TMEM232: variants seen among roughly 807,000 people sequenced by gnomAD.
TMEM232 encodes transmembrane protein 232.
In TMEM232, 80 loss-of-function variants were observed where a neutral mutation model predicts 78.8. The ratio of observed to expected loss-of-function variants is 1.01; its 90% CI spans 0.85 to 1.22. The LOEUF is 1.22. Among genes scored for constraint, TMEM232 ranks in the 50% most tolerant of loss-of-function variants. TMEM232 has a pLI of 0.00. For synonymous variants in TMEM232, 297 were observed against 254.3 expected, an observed-to-expected ratio of 1.17 and a Z score of -1.60; for missense variants, 881 against 742.2, an observed-to-expected ratio of 1.19 and a Z score of -2.17.
At chr5:110,601,458 A>C (rs1780885360) in intron 10 of TMEM232, among the ~76,000 whole-genome samples, 1 of 152,214 alleles carries the variant, frequency 6.6e-6, no homozygotes, top group Non-Finnish European at 1.5e-5. Flanking sequence ...GCAAAATCTC[A>C]GAATATAAAA....
chr5:110,584,960 A>G (rs1025327482), intron 10 of TMEM232, among the ~76,000 whole-genome samples: 1 of 152,096 alleles, frequency 6.6e-6, no homozygotes, highest in Admixed American at 6.6e-5. Flanking sequence ...CACCATAAAT[A>G]CTTTGGAAAC....
At chr5:110,627,736 T>C in intron 6 of TMEM232, 45 bp downstream of exon 6, 1 of 1,286,544 alleles carries the variant, frequency 7.8e-7, no homozygotes, top group Non-Finnish European at 1.1e-6. Flanking sequence ...CTTATCAAAA[T>C]ATAACATAAA....
chr5:110,702,549 A>G (rs900854090), intron 1 of TMEM232, among the ~76,000 whole-genome samples: 4 of 152,002 alleles, frequency 2.6e-5, no homozygotes, highest in Admixed American at 2.0e-4. Context: ...ACATGTTACT[A>G]TCTCTCCCTG....
intron 4 of TMEM232, among the ~76,000 whole-genome samples, chr5:110,638,778 G>A (rs529180734): frequency 1.3e-5 from 2 of 152,260 alleles, no homozygotes; most frequent in South Asian, 2.1e-4. Context: ...GTCCAAGGGG[G>A]CTCAGCTATT....
chr5:110,552,818 C>T (rs1581187796), intron 11 of TMEM232, among the ~76,000 whole-genome samples: 1 of 152,168 alleles, frequency 6.6e-6, no homozygotes. Flanking sequence ...TTTGCCAGAG[C>T]CTATGTCCAG....
intron 1 of TMEM232, among the ~76,000 whole-genome samples, chr5:110,685,873 G>A (rs1793334959): frequency 6.6e-6 from 1 of 152,042 alleles, no homozygotes; most frequent in Non-Finnish European, 1.5e-5. Context: ...ATACTACATT[G>A]AGTGAAAAAA....
intron 12 of TMEM232, among the ~76,000 whole-genome samples, chr5:110,486,179 T>TC (rs1442040654): frequency 2.0e-5 from 3 of 152,006 alleles, no homozygotes; most frequent in Non-Finnish European, 4.4e-5. Context: ...TTTTTTTTTT[T>TC]CCATACTGAT....
At chr5:110,531,943 G>T (rs981866330) in intron 11 of TMEM232, among the ~76,000 whole-genome samples, 6 of 151,988 alleles carry the variant, frequency 3.9e-5, no homozygotes, top group African/African-American at 1.5e-4. Context: ...TCCACAACAG[G>T]ACTTAATTAA....
chr5:110,455,987 T>G (rs777408395), intron 12 of TMEM232, among the ~76,000 whole-genome samples: 7 of 152,206 alleles, frequency 4.6e-5, no homozygotes, highest in Non-Finnish European at 1.0e-4. Context: ...ATCTACAGCT[T>G]CCATTCTACA....
At chr5:110,433,975 A>G in intron 12 of TMEM232, among the ~76,000 whole-genome samples, 1 of 152,020 alleles carries the variant, frequency 6.6e-6, no homozygotes, top group African/African-American at 2.4e-5. Flanking sequence ...TTTTGGTATC[A>G]GGATGATACT....
At chr5:110,399,101 G>T (rs758930064) in intron 2 of TMEM232, among the ~76,000 whole-genome samples, 8 of 151,578 alleles carry the variant, frequency 5.3e-5, no homozygotes, top group Non-Finnish European at 8.8e-5. Flanking sequence ...GGTCTGCCAC[G>T]AAGAACCCTG....
intron 1 of TMEM232, among the ~76,000 whole-genome samples, chr5:110,680,287 C>T (rs893315902): frequency 4.0e-5 from 6 of 151,132 alleles, no homozygotes; most frequent in Admixed American, 2.0e-4. Context: ...AATCCAGCTA[C>T]TCGGGAGGCT....
At chr5:110,571,000 A>G (rs934814083) in intron 10 of TMEM232, among the ~76,000 whole-genome samples, 4 of 152,000 alleles carry the variant, frequency 2.6e-5, no homozygotes, top group African/African-American at 9.7e-5. Context: ...TAGCTCTTGT[A>G]TAAACTTTTC....
chr5:110,420,747 C>T lies in TMEM232; in HGVS notation c.1807G>A (p.Glu603Lys), dbSNP rs1183284825. 5.3e-6 allele frequency: 8 copies of T among 1,520,738 alleles called. No individual in the cohort carries two copies. The highest frequency in any genetic ancestry group is 1.2e-5 in the South Asian group (1 of 80,070). 94.2% of individuals were successfully genotyped at this position (1,520,738 alleles called of 1,614,324 possible). A position where few individuals can be genotyped will look rare whatever the true frequency, so the allele number is the denominator to read the frequency against. The change falls in exon 14 of 14, where the codon GAG (glutamate) becomes AAG (lysine). Residue 603 changes from glutamate to lysine, a missense_variant. Transcript: ENST00000455884. ...AKIIDHHWQE[E>K]LKIREKEDAI... ...TCTTCTTTTTCTCGGATCTTTAGCT[C>T]TTCCTGCCACTGTTACAGAGAGAAA... is the stretch of plus-strand genomic sequence containing the variant.
intron 7 of TMEM232, among the ~76,000 whole-genome samples, chr5:110,624,250 AATT>A (rs1784128839): frequency 6.6e-6 from 1 of 152,116 alleles, no homozygotes; most frequent in Non-Finnish European, 1.5e-5. Context: ...TATTTTCAGT[AATT>A]ATTATTCATG....
At chr5:110,699,812 C>T (rs114449078) in intron 1 of TMEM232, among the ~76,000 whole-genome samples, 1,778 of 152,102 alleles carry the variant, frequency 0.012, 46 homozygotes, top group African/African-American at 0.04. Context: ...TTTAGCAGCA[C>T]TCTTTAGAGA....
rs1232279233 is a variant in TMEM232, at chr5:110,642,259, C to T, written c.237+1G>A. 6.6e-6 allele frequency: 10 copies of T among 1,522,680 alleles called. No homozygotes were observed. The East Asian group carries it at 2.3e-4, about 34-fold the overall frequency. 94.3% of individuals were successfully genotyped at this position (1,522,680 alleles called of 1,614,324 possible). On this transcript the variant is annotated splice_donor_variant, in intron 3 of 13. Transcript: ENST00000455884. LOFTEE classifies it high-confidence loss of function. ...TCAACAATCAAATGATATGCCATTA[C>T]CTTACATCTGAGAATGATTTTTCTA...
intron 1 of TMEM232, among the ~76,000 whole-genome samples, chr5:110,717,643 TA>T (rs1385611333): frequency 6.6e-6 from 1 of 152,146 alleles, no homozygotes; most frequent in East Asian, 1.9e-4. Flanking sequence ...GTAACCTCCA[TA>T]ATCCTCACAT....
At chr5:110,497,690 A>G (rs2149435109) in intron 12 of TMEM232, among the ~76,000 whole-genome samples, 1 of 152,224 alleles carries the variant, frequency 6.6e-6, no homozygotes, top group South Asian at 2.1e-4. Context: ...GTGTACCTCA[A>G]TACGTAGAAC....
Sources: allele counts gnomAD v4.1 joint callset (sites outside exome capture counted in the v4.1 genomes callset), GRCh38; gene constraint gnomAD v4.1.1; transcripts MANE v1.5; gene names NCBI Gene and HGNC (gene_info 2026-07-23, HGNC 2026-07-21).